The following SLIT3 variants were observed in gnomAD, a reference collection of about 807,000 sequenced individuals.
The protein encoded by SLIT3 is slit homolog 3 protein.
A neutral mutation model predicts 184.0 loss-of-function variants in SLIT3; 68 were observed. That is an observed-to-expected ratio of 0.37 (90% CI 0.30 to 0.45). SLIT3 has a LOEUF of 0.45. SLIT3 is among the 20% of genes least tolerant of loss of function. SLIT3 has a pLI of 1.00. For synonymous variants in SLIT3, 831 were observed against 828.6 expected (o/e 1.00, Z -0.05); for missense variants, 1,707 against 2,026.0 (o/e 0.84, Z 3.02).
intron 5 of SLIT3, among the ~76,000 whole-genome samples, chr5:168,879,809 CA>C: frequency 6.6e-6 from 1 of 152,212 alleles, no homozygotes; most frequent in African/African-American, 2.4e-5. Context: ...CAGGATCTTC[CA>C]AGCCTGGCTC....
chr5:168,806,382 G>C (rs1345032892), intron 9 of SLIT3, 64 bp downstream of exon 9: 1 of 1,588,696 alleles, frequency 6.3e-7, no homozygotes, highest in African/African-American at 1.3e-5. Flanking sequence ...GTGGGTGATG[G>C]GCTGGGACAG....
intron 4 of SLIT3, among the ~76,000 whole-genome samples, chr5:168,903,097 CT>C (rs1760924818): frequency 6.6e-6 from 1 of 152,176 alleles, no homozygotes; most frequent in Non-Finnish European, 1.5e-5. Context: ...ACAGGTTTTC[CT>C]TGTGCTGATT....
intron 4 of SLIT3, among the ~76,000 whole-genome samples, chr5:169,029,575 T>G (rs1422596614): frequency 6.6e-6 from 1 of 152,212 alleles, no homozygotes; most frequent in Non-Finnish European, 1.5e-5. Context: ...GAAAAAGCCT[T>G]CCAGCAACTG....
chr5:168,885,570 C>G (rs1469777837), intron 4 of SLIT3, among the ~76,000 whole-genome samples: 2 of 152,224 alleles, frequency 1.3e-5, no homozygotes, highest in African/African-American at 4.8e-5. Flanking sequence ...CCAGTCTTTT[C>G]TGCCAAATGA....
At chr5:169,190,293 C>A (rs1036993768) in intron 4 of SLIT3, among the ~76,000 whole-genome samples, 11 of 152,192 alleles carry the variant, frequency 7.2e-5, no homozygotes, top group African/African-American at 2.7e-4. Context: ...CATTTTGAGT[C>A]TTTTGCATTA....
chr5:169,276,580 T>A (rs1766815794), intron 1 of SLIT3, among the ~76,000 whole-genome samples: 1 of 152,218 alleles, frequency 6.6e-6, no homozygotes, highest in African/African-American at 2.4e-5. Context: ...TGCACTTACC[T>A]GCAAGGAGAC....
chr5:169,285,345 T>C (rs768346343), intron 1 of SLIT3, among the ~76,000 whole-genome samples: 1 of 152,242 alleles, frequency 6.6e-6, no homozygotes, highest in Non-Finnish European at 1.5e-5. Flanking sequence ...TCACAAGCAT[T>C]GTACTAAGCT....
chr5:169,036,863 G>A (rs868486252), intron 4 of SLIT3, among the ~76,000 whole-genome samples: 2 of 152,298 alleles, frequency 1.3e-5, no homozygotes, highest in Non-Finnish European at 2.9e-5. Context: ...GGACCAGAGA[G>A]CAAAGCGCTG....
At chr5:169,277,476 G>A (rs4516875) in intron 1 of SLIT3, among the ~76,000 whole-genome samples, 42,796 of 152,082 alleles carry the variant, frequency 0.28, 6,206 homozygotes, top group South Asian at 0.38. Context: ...GGGTTCAAGC[G>A]ATCTGCCTGC....
chr5:169,072,908 T>C (rs1353672367), intron 4 of SLIT3, among the ~76,000 whole-genome samples: 1 of 152,166 alleles, frequency 6.6e-6, no homozygotes, highest in East Asian at 1.9e-4. Context: ...GCTGTAAAGG[T>C]TGCCCGCCAC....
chr5:168,873,695 C>T (rs940441169), intron 5 of SLIT3, among the ~76,000 whole-genome samples: 3 of 152,012 alleles, frequency 2.0e-5, no homozygotes, highest in African/African-American at 7.2e-5. Context: ...CGTACAAATG[C>T]GAGGCACAGA....
intron 5 of SLIT3, among the ~76,000 whole-genome samples, chr5:168,872,660 A>C: frequency 1.1e-5 from 1 of 92,426 alleles, no homozygotes; most frequent in Non-Finnish European, 2.2e-5. Flanking sequence ...TTTTTTTGAG[A>C]CAGAGTCTCA....
At chr5:169,170,806 CTT>C (rs1762793676) in intron 4 of SLIT3, among the ~76,000 whole-genome samples, 1 of 152,156 alleles carries the variant, frequency 6.6e-6, no homozygotes, top group Admixed American at 6.5e-5. Flanking sequence ...TTTGTAATCT[CTT>C]TCATTGAAAG....
Position 168,671,489 on chromosome 5 carries a change from G to T in SLIT3, c.3842-6C>A, listed in dbSNP as rs1265222180. 6.2e-7 allele frequency: 1 copy of T among 1,608,288 alleles called. No homozygotes were observed. The highest frequency in any genetic ancestry group is 8.5e-7 in the Non-Finnish European group (1 of 1,177,540). ...GCCGGTGGAGGTGGGGATGCCTGTG[G>T]GAGGGGAGCCAGGACAGTGGCCTGA... On this transcript the variant is annotated splice_region_variant and splice_polypyrimidine_tract_variant and intron_variant, in intron 33 of 35. Transcript: ENST00000519560.
chr5:168,778,139 GA>G (rs1343735799), intron 12 of SLIT3, among the ~76,000 whole-genome samples: 1 of 152,186 alleles, frequency 6.6e-6, no homozygotes, highest in African/African-American at 2.4e-5. Context: ...ACTGCTGTGT[GA>G]AATGATAATA....
intron 4 of SLIT3, among the ~76,000 whole-genome samples, chr5:168,947,564 A>T (rs1359452428): frequency 6.6e-6 from 1 of 152,196 alleles, no homozygotes; most frequent in Non-Finnish European, 1.5e-5. Context: ...AGCTGTGCCC[A>T]GGTCAGGGGC....
At chr5:168,878,154 A>C (rs1581169758) in intron 5 of SLIT3, among the ~76,000 whole-genome samples, 2 of 152,094 alleles carry the variant, frequency 1.3e-5, no homozygotes, top group Non-Finnish European at 2.9e-5. Flanking sequence ...TGTCCATCGA[A>C]CCGCCTGTCT....
chr5:169,115,817 C>T (rs1760641539), intron 4 of SLIT3, among the ~76,000 whole-genome samples: 2 of 152,186 alleles, frequency 1.3e-5, no homozygotes, highest in South Asian at 4.1e-4. Context: ...TGGTTGGATC[C>T]TGTGGTGGGA....
intron 4 of SLIT3, among the ~76,000 whole-genome samples, chr5:168,907,560 A>G (rs776011041): frequency 2.0e-5 from 3 of 152,174 alleles, no homozygotes; most frequent in Non-Finnish European, 4.4e-5. Context: ...CTTTTTGATG[A>G]CTAGTCATGT....
Sources: allele counts gnomAD v4.1 joint callset (sites outside exome capture counted in the v4.1 genomes callset), GRCh38; gene constraint gnomAD v4.1.1; transcripts MANE v1.5; gene names NCBI Gene and HGNC (gene_info 2026-07-23, HGNC 2026-07-21).